The following GPRC5B variants were observed in gnomAD, a reference collection of about 807,000 sequenced individuals.
GPRC5B encodes the protein G protein-coupled receptor family C group 5 member B.
In GPRC5B, 16 loss-of-function variants were observed where a neutral mutation model predicts 30.1. The observed-to-expected ratio is 0.53, with a 90% CI of 0.36 to 0.81. GPRC5B has a LOEUF of 0.81. GPRC5B is among the 30% of genes least tolerant of loss of function. GPRC5B has a pLI of 0.01. For missense variants in GPRC5B, 428 were observed against 544.7 expected, an observed-to-expected ratio of 0.79 and a Z score of 2.13; for synonymous variants, 241 against 239.5, an observed-to-expected ratio of 1.01 and a Z score of -0.06.
upstream of GPRC5B, chr16:19,885,416 AG>A (rs1287850616): frequency 8.6e-6 from 10 of 1,157,640 alleles, no homozygotes; most frequent in African/African-American, 1.3e-4. This position sits in a 1 kb window ranked among gnomAD's most constrained non-coding sequence, Gnocchi z 5.3. Flanking sequence ...TCCTCCAGGC[AG>A]GTTCCTCCTG....
At position 19,860,308 on chromosome 16, in the gene GPRC5B, G is replaced by A. The variant is rs1293347920; in HGVS notation, c.*192C>T. The A allele has an allele frequency of 2.1e-5, 12 of 576,300 alleles. No individual in the cohort carries two copies. The highest frequency in any genetic ancestry group is 4.1e-5 in the South Asian group (2 of 49,064). The allele number at this position is 576,300 out of a possible 1,614,324, so 35.7% of individuals were successfully genotyped here. ...TCTGTGTGTGTGGCAGGGGAGGGGC[G>A]GGCAGTCGGTGTTAGCTTTTCAGTT... is the stretch of plus-strand genomic sequence containing the variant. On this transcript the variant is annotated 3_prime_UTR_variant, in exon 4 of 4. Transcript: ENST00000300571.
In GPRC5B at chr16:19,872,406, ACG is replaced by A. The variant is rs1253670083; in HGVS notation, c.438_439del (p.Val147AlafsTer41). 6.2e-7 allele frequency: 1 copy of A among 1,613,604 alleles called. No individual in the cohort carries two copies. The highest frequency in any genetic ancestry group is 8.5e-7 in the Non-Finnish European group (1 of 1,179,762). On this transcript the variant is annotated frameshift_variant, in exon 2 of 4. Coordinates refer to ENST00000300571, the MANE Select transcript of GPRC5B (RefSeq NM_016235.3). LOFTEE classifies it high-confidence loss of function. This position sits in a 1 kb window ranked among gnomAD's most constrained non-coding sequence, Gnocchi z 5.0. ...CGTGCCATGCCGCACCAGCCTCCGC[ACG>A]CGCCATGCCTGGCTCAGCAGGCAGG...
Position 19,872,001 on chromosome 16 carries a change from A to T in GPRC5B, c.845T>A (p.Val282Asp). Reference sequence around the variant, plus strand: ...AGGGATGGCGTGGAAGATGACGAAGACCCAGCCGCTGGCCGCCAGCGTGAT... The same window carrying T: ...AGGGATGGCGTGGAAGATGACGAAGTCCCAGCCGCTGGCCGCCAGCGTGAT... ...LAITLAASGW[V>D]FVIFHAIPEI... The change falls in exon 2 of 4, where the codon GTC becomes GAC. Residue 282 changes from valine to aspartate, a missense_variant. Physicochemically the swap from Val to Asp is radical, Grantham distance 152. This residue lies in a region of GPRC5B where 213 missense variants were observed against 229.1 expected (regional missense o/e 0.93). Coordinates refer to ENST00000300571, the MANE Select transcript of GPRC5B (RefSeq NM_016235.3). The surrounding 1 kb of genome is among the most constrained non-coding windows in gnomAD (Gnocchi z 5.0). 6.2e-7 allele frequency: 1 copy of T among 1,613,624 alleles called. No individual in the cohort carries two copies. Among genetic ancestry groups the T allele is most frequent in the Non-Finnish European group, 8.5e-7 (1 of 1,179,936 alleles).
chr16:19,860,409 G>T lies in GPRC5B; in HGVS notation c.*91C>A. 2 of 810,968 alleles carry T rather than the reference G, an allele frequency of 2.5e-6. No individual in the cohort carries two copies. The highest frequency in any genetic ancestry group is 2.6e-5 in the East Asian group (1 of 39,182). 50.2% of individuals were successfully genotyped at this position (810,968 alleles called of 1,614,324 possible). ...TCCTGGCTGTGAGGCGGCCTGGTTC[G>T]GCAACTGTTACCGATTTCTCCCTCA... On this transcript the variant is annotated 3_prime_UTR_variant, in exon 4 of 4. Coordinates refer to ENST00000300571, the MANE Select transcript of GPRC5B (RefSeq NM_016235.3).
At position 19,872,672 on chromosome 16, in the gene GPRC5B, C is replaced by A. The variant is rs754702138; in HGVS notation, c.174G>T (p.Val58=). 2 of 1,614,182 alleles carry A rather than the reference C, an allele frequency of 1.2e-6. No homozygotes were observed. The highest frequency in any genetic ancestry group is 1.7e-6 in the Non-Finnish European group (2 of 1,180,044). Residue 58 remains valine (V), a synonymous_variant, in exon 2 of 4, where the codon GTG becomes GTT. Coordinates refer to ENST00000300571, the MANE Select transcript of GPRC5B (RefSeq NM_016235.3). This position sits in a 1 kb window ranked among gnomAD's most constrained non-coding sequence, Gnocchi z 5.0. ...CGCCCGCCCCGGCCACCGCCTCCAC[C>A]ACAATGCCCCAGATGGCGTCCAGGT... is the stretch of plus-strand genomic sequence containing the variant. ...LCDLDAIWGI[V]VEAVAGAGAL...
chr16:19,862,163 G>A, intron 2 of GPRC5B, 190 bp from the exon 3 acceptor site: 1 of 577,916 alleles, frequency 1.7e-6, no homozygotes, highest in Non-Finnish European at 3.1e-6. Flanking sequence ...CTAGGAGCCT[G>A]ACCCATCTCA....
Position 19,872,504 on chromosome 16 carries a change from G to A in GPRC5B, c.342C>T (p.Ile114=). 1.2e-6 allele frequency: 2 copies of A among 1,613,950 alleles called. No individual in the cohort carries two copies. The highest frequency in any genetic ancestry group is 1.7e-6 in the Non-Finnish European group (2 of 1,179,836). The change falls in exon 2 of 4, where the codon ATC becomes ATT. Residue 114 remains isoleucine (I), a synonymous_variant. Coordinates refer to ENST00000300571, the MANE Select transcript of GPRC5B (RefSeq NM_016235.3). This position sits in a 1 kb window ranked among gnomAD's most constrained non-coding sequence, Gnocchi z 5.0. ...AGCAGATGGTCTCGTCCTCCTGGAT[G>A]ATGAAGGCAAACGTCAGCCCAAAGA... ...LGLFGLTFAF[I]IQEDETICSV... is the part of the protein sequence containing the mutation.
At chr16:19,885,382 T>A, upstream of GPRC5B, 1 of 1,178,022 alleles carries the variant, frequency 8.5e-7, no homozygotes, top group Non-Finnish European at 1.1e-6. The surrounding 1 kb of genome is among the most constrained non-coding windows in gnomAD (Gnocchi z 5.3). Flanking sequence ...GGTATACACC[T>A]AGGCGCACAC....
At chr16:19,875,569 G>A (rs2056754179) in intron 1 of GPRC5B, among the ~76,000 whole-genome samples, 1 of 152,162 alleles carries the variant, frequency 6.6e-6, no homozygotes, top group Non-Finnish European at 1.5e-5. Context: ...CTTGAGGACA[G>A]GAGTTTGAGA....
At chr16:19,885,287 A>T (rs1249322579), upstream of GPRC5B, 54 of 1,275,460 alleles carry the variant, frequency 4.2e-5, no homozygotes, top group Non-Finnish European at 5.5e-5. This position sits in a 1 kb window ranked among gnomAD's most constrained non-coding sequence, Gnocchi z 5.3. Context: ...CATAAGCAGT[A>T]ACTTCCCCGA....
At position 19,872,870 on chromosome 16, in the gene GPRC5B, G is replaced by C. The variant is rs1216899865; in HGVS notation, c.-1-24C>G. ...TTCTAGAAAAGCCAAGAGGGGAATGGTTGGGGGGAAGGAAAGATGAATTCA... is the reference window on the plus strand; with the variant it reads ...TTCTAGAAAAGCCAAGAGGGGAATGCTTGGGGGGAAGGAAAGATGAATTCA... On this transcript the variant is annotated intron_variant, in intron 1 of 3. Transcript: ENST00000300571. The surrounding 1 kb of genome is among the most constrained non-coding windows in gnomAD (Gnocchi z 5.0). The C allele has an allele frequency of 6.4e-7, 1 of 1,560,822 alleles. No homozygotes were observed. Among genetic ancestry groups the C allele is most frequent in the Non-Finnish European group, 8.8e-7 (1 of 1,137,204 alleles).
upstream of GPRC5B, chr16:19,884,887 C>T (rs1212230594): frequency 5.1e-5 from 50 of 979,436 alleles, no homozygotes; most frequent in Non-Finnish European, 5.9e-5. Flanking sequence ...GCCCCCTGGC[C>T]CGGCCCGCGC....
intron 1 of GPRC5B, among the ~76,000 whole-genome samples, chr16:19,880,128 T>C (rs1004252322): frequency 2.0e-5 from 3 of 151,342 alleles, no homozygotes; most frequent in Non-Finnish European, 4.4e-5. Context: ...ATAAAGACCC[T>C]GCTCAAAATA....
intron 1 of GPRC5B, among the ~76,000 whole-genome samples, chr16:19,874,233 G>A (rs1404030723): frequency 6.6e-6 from 1 of 151,922 alleles, no homozygotes; most frequent in Non-Finnish European, 1.5e-5. Flanking sequence ...GCCCATATAC[G>A]AGCTGGAGTC....
chr16:19,882,420 G>A (rs2056814692), intron 1 of GPRC5B: 1 of 152,212 alleles, frequency 6.6e-6, no homozygotes, highest in South Asian at 2.1e-4. Context: ...GAACCCCCAG[G>A]AAGCTCTGCG....
At chr16:19,883,267 C>A (rs192207463) in intron 1 of GPRC5B, among the ~76,000 whole-genome samples, 1 of 64,334 alleles carries the variant, frequency 1.6e-5, no homozygotes, top group African/African-American at 1.2e-4. Flanking sequence ...GCTGCCTGTG[C>A]CCCCAAATGG....
chr16:19,862,662 T>C (rs1193873211), intron 2 of GPRC5B, among the ~76,000 whole-genome samples: 1 of 152,076 alleles, frequency 6.6e-6, no homozygotes, highest in East Asian at 1.9e-4. Context: ...CTGTAATCCC[T>C]AATCCTAGCA....
intron 1 of GPRC5B, among the ~76,000 whole-genome samples, chr16:19,878,941 ACCAGTGCTGCAG>A (rs1324151454): frequency 6.6e-6 from 1 of 152,132 alleles, no homozygotes; most frequent in East Asian, 1.9e-4. Flanking sequence ...CAGTGCTTCC[ACCAGTGCTGCAG>A]GCGATGTGGG....
chr16:19,870,062 G>A (rs1391194998), intron 2 of GPRC5B, among the ~76,000 whole-genome samples: 3 of 152,112 alleles, frequency 2.0e-5, no homozygotes, highest in South Asian at 2.1e-4. Flanking sequence ...GCAACAGAGC[G>A]AGACTCAATC....
Sources: gnomAD v4.1 joint callset for allele counts (sites outside exome capture counted in the v4.1 genomes callset) on GRCh38, gnomAD v4.1.1 for gene constraint, gnomAD v4.1.1 regional missense constraint, Gnocchi (gnomAD v3.1) non-coding constraint, MANE v1.5 for transcripts, NCBI Gene and HGNC (gene_info 2026-07-23, HGNC 2026-07-21) for gene names.